Variants in MAP4 observed in about 807,000 individuals in gnomAD.
The protein encoded by MAP4 is microtubule associated protein 4, also known as microtubule-associated protein 4.
In MAP4, 76 loss-of-function variants were observed where a neutral mutation model predicts 170.2. The ratio of observed to expected loss-of-function variants is 0.45; its 90% confidence interval spans 0.37 to 0.54. The LOEUF is 0.54. Ranked by LOEUF, MAP4 falls within the 20% of genes least tolerant of loss-of-function variation. MAP4 has a pLI of 0.00. For synonymous variants in MAP4, 909 were observed against 994.5 expected, an observed-to-expected ratio of 0.91 and a Z score of 1.62; for missense variants, 2,506 against 2,748.0, an observed-to-expected ratio of 0.91 and a Z score of 1.97.
chr3:48,085,081 T>C (rs1579930302), intron 1 of MAP4, among the ~76,000 whole-genome samples: 1 of 151,760 alleles, frequency 6.6e-6, no homozygotes, highest in Admixed American at 6.6e-5. Flanking sequence ...AAATTGACTA[T>C]ATACATGAAC....
intron 1 of MAP4, among the ~76,000 whole-genome samples, chr3:48,056,187 C>T (rs2100131321): frequency 7.7e-6 from 1 of 130,662 alleles, no homozygotes; most frequent in Non-Finnish European, 1.7e-5. Flanking sequence ...CCCCGCCCCG[C>T]CAGCCATGCC....
At chr3:48,008,946 C>T (rs548318680) in intron 1 of MAP4, among the ~76,000 whole-genome samples, 1 of 152,094 alleles carries the variant, frequency 6.6e-6, no homozygotes, top group African/African-American at 2.4e-5. Flanking sequence ...TACCTGGTGG[C>T]GGATTGATTA....
At chr3:47,938,960 C>T (rs1305652317) in intron 3 of MAP4, among the ~76,000 whole-genome samples, 1 of 152,184 alleles carries the variant, frequency 6.6e-6, no homozygotes, top group East Asian at 1.9e-4. Context: ...CCTTCCTTAC[C>T]CATCAAATGA....
intron 11 of MAP4, among the ~76,000 whole-genome samples, chr3:47,876,384 G>A (rs964690693): frequency 6.6e-6 from 1 of 152,102 alleles, no homozygotes; most frequent in African/African-American, 2.4e-5. Context: ...GCCCGCCTCG[G>A]CCTCCCAAGG....
At chr3:47,975,314 G>T in intron 3 of MAP4, 1 of 1,522,254 alleles carries the variant, frequency 6.6e-7, no homozygotes. Flanking sequence ...AATAGGCCCC[G>T]AAGAACTACC....
At chr3:47,951,272 GAAAC>G (rs2100063572) in intron 3 of MAP4, among the ~76,000 whole-genome samples, 1 of 152,090 alleles carries the variant, frequency 6.6e-6, no homozygotes, top group South Asian at 2.1e-4. Flanking sequence ...GTATGCTGAA[GAAAC>G]TTTTTAAAGT....
intron 2 of MAP4, among the ~76,000 whole-genome samples, chr3:47,997,825 A>C (rs2154369852): frequency 6.6e-6 from 1 of 152,286 alleles, no homozygotes; most frequent in East Asian, 1.9e-4. Flanking sequence ...AATCTGCAAC[A>C]TTTATGCCAG....
intron 10 of MAP4, chr3:47,891,830 T>C: frequency 6.5e-7 from 1 of 1,536,246 alleles, no homozygotes; most frequent in Non-Finnish European, 8.7e-7. Flanking sequence ...AGAGTTATCA[T>C]TTACCACCCC....
chr3:47,890,990 T>C (rs2100023608), intron 10 of MAP4: 14 of 1,437,432 alleles, frequency 9.7e-6, no homozygotes, highest in Non-Finnish European at 1.1e-5. Context: ...TGCTGTCTGC[T>C]TGTTCCCAAT....
intron 3 of MAP4, among the ~76,000 whole-genome samples, chr3:47,964,825 A>T (rs955132222): frequency 6.6e-6 from 1 of 152,162 alleles, no homozygotes; most frequent in African/African-American, 2.4e-5. Context: ...TTAATTTGAA[A>T]TTTTTTTCCC....
rs775597080 is a variant in MAP4, at chr3:47,977,950, T to C, written c.224-17A>G. ...ATGGAGTATCTGCAACAATGACAAA[T>C]AATTACCCATTGTGACAGACAGAAA... On this transcript the variant is annotated splice_polypyrimidine_tract_variant and intron_variant, in intron 2 of 20. Transcript: ENST00000683076. 1.3e-6 allele frequency: 2 copies of C among 1,561,964 alleles called. No individual in the cohort carries two copies. The highest frequency in any genetic ancestry group is 1.7e-5 in the Admixed American group (1 of 59,906).
chr3:48,053,918 A>G (rs970178802), intron 1 of MAP4, among the ~76,000 whole-genome samples: 14 of 152,214 alleles, frequency 9.2e-5, no homozygotes, highest in Admixed American at 9.2e-4. Context: ...AAGAATATAT[A>G]TGAAAATGTT....
chr3:48,002,207 C>T (rs2100099534), intron 1 of MAP4, among the ~76,000 whole-genome samples: 1 of 149,706 alleles, frequency 6.7e-6, no homozygotes, highest in African/African-American at 2.5e-5. Context: ...CATCACTGCA[C>T]TCTAGCCTGG....
At chr3:48,034,347 G>T (rs2100117684) in intron 1 of MAP4, among the ~76,000 whole-genome samples, 1 of 151,998 alleles carries the variant, frequency 6.6e-6, no homozygotes, top group South Asian at 2.1e-4. Context: ...TACTTTTATG[G>T]CAAGGAAAAG....
chr3:47,998,854 C>T lies in MAP4; in HGVS notation c.7G>A (p.Asp3Asn). 6.2e-7 allele frequency: 1 copy of T among 1,613,012 alleles called. No homozygotes were observed. The highest frequency in any genetic ancestry group is 8.5e-7 in the Non-Finnish European group (1 of 1,178,964). Residue 3 changes from aspartate (D) to asparagine (N), a missense_variant, in exon 2 of 21, where the codon GAC (aspartate) becomes AAC (asparagine). This residue lies in a region of MAP4 where 2,008 missense variants were observed against 2,206.0 expected (regional missense o/e 0.91). Coordinates refer to ENST00000683076, the MANE Select transcript of MAP4 (RefSeq NM_001385682.1). MA[D>N]LSLADALTEP... ...GTTAATGCATCTGCAAGACTGAGGT[C>T]AGCCATTCTGCACCACTGCAACTGC...
rs149840172 is a variant in MAP4 at position 47,915,398 on chromosome 3, G to T, written c.1877-459C>A. 4.0e-3 allele frequency among the ~76,000 whole-genome samples: 616 copies of T among 152,274 alleles called. 6 individuals are homozygous for T. The highest frequency in any genetic ancestry group is 0.014 in the African/African-American group (597 of 41,546). ...CCCAAAGTGCTGGGATTACAGGTGT[G>T]AGCCACCATGCCCGGTCAATGTTTC... On this transcript the variant is annotated intron_variant, in intron 7 of 20. Coordinates refer to ENST00000683076, the MANE Select transcript of MAP4 (RefSeq NM_001385682.1).
chr3:47,949,781 A>G (rs2100062488), intron 3 of MAP4, among the ~76,000 whole-genome samples: 1 of 152,208 alleles, frequency 6.6e-6, no homozygotes, highest in African/African-American at 2.4e-5. Flanking sequence ...CTACAGGAGG[A>G]AGAGGATTTC....
At chr3:47,876,547 AG>A (rs2095467213) in intron 11 of MAP4, among the ~76,000 whole-genome samples, 1 of 147,276 alleles carries the variant, frequency 6.8e-6, no homozygotes. Flanking sequence ...CTATTCTAAA[AG>A]AAAAGCATCA....
intron 17 of MAP4, among the ~76,000 whole-genome samples, chr3:47,866,371 C>CA (rs2080094307): frequency 6.7e-6 from 1 of 149,170 alleles, no homozygotes; most frequent in East Asian, 2.0e-4. Flanking sequence ...AACAAACAAA[C>CA]AAACAAAAAA....
Sources: gnomAD v4.1 joint callset for allele counts (sites outside exome capture counted in the v4.1 genomes callset) on GRCh38, gnomAD v4.1.1 for gene constraint, gnomAD v4.1.1 regional missense constraint, MANE v1.5 for transcripts, NCBI Gene and HGNC (gene_info 2026-07-23, HGNC 2026-07-21) for gene names.